TBC1D31: variants seen among roughly 807,000 people sequenced by gnomAD.
The protein encoded by TBC1D31 is WD repeat domain 67.
Under a neutral mutation model 132.9 loss-of-function variants are expected in TBC1D31, and 99 were observed. The ratio of observed to expected loss-of-function variants is 0.74; its 90% confidence interval spans 0.63 to 0.88. The LOEUF is 0.88. Among genes scored for constraint, TBC1D31 ranks in the 40% least tolerant of loss-of-function variants. The pLI is 0.00. For synonymous variants in TBC1D31, 385 were observed against 419.4 expected (o/e 0.92, Z 1.00); for missense variants, 1,134 against 1,256.6 (o/e 0.90, Z 1.48).
chr8:123,116,749 C>G (rs752445869), intron 10 of TBC1D31, among the ~76,000 whole-genome samples: 1 of 152,088 alleles, frequency 6.6e-6, no homozygotes, highest in Non-Finnish European at 1.5e-5. Context: ...CACAAGGGCA[C>G]GTGACTCAAC....
At chr8:123,145,068 CG>C (rs1485308421) in intron 20 of TBC1D31, among the ~76,000 whole-genome samples, 1 of 151,952 alleles carries the variant, frequency 6.6e-6, no homozygotes, top group East Asian at 1.9e-4. Context: ...GGACCATAGG[CG>C]TGTATCCCCA....
chr8:123,107,726 A>T (rs1193398361), intron 8 of TBC1D31, among the ~76,000 whole-genome samples: 4 of 152,070 alleles, frequency 2.6e-5, no homozygotes, highest in Non-Finnish European at 5.9e-5. Context: ...TCCAATGTGG[A>T]TATCCTACAG....
chr8:123,108,434 C>T (rs1818145173), intron 8 of TBC1D31, among the ~76,000 whole-genome samples: 1 of 151,978 alleles, frequency 6.6e-6, no homozygotes, highest in South Asian at 2.1e-4. Context: ...GATGAACTCC[C>T]ACATGTTTTT....
intron 3 of TBC1D31, 36 bp from the exon 4 acceptor site, chr8:123,084,126 G>A (rs1023850747): frequency 1.1e-5 from 18 of 1,588,630 alleles, no homozygotes; most frequent in Non-Finnish European, 1.5e-5. Flanking sequence ...GACGTACAGT[G>A]TTTTACCTGG....
At position 123,094,309 on chromosome 8, in the gene TBC1D31, G is replaced by T. The variant is rs112955649; in HGVS notation, c.671+567G>T. Among the ~76,000 whole-genome samples the T allele has an allele frequency of 3.1e-3, 475 of 151,944 alleles. 2 individuals carry two copies. Among genetic ancestry groups the T allele is most frequent in the African/African-American group, 9.7e-3 (402 of 41,466 alleles). On this transcript the variant is annotated intron_variant, in intron 5 of 21. Coordinates refer to ENST00000287380, the MANE Select transcript of TBC1D31 (RefSeq NM_145647.4). Reference sequence around the variant, plus strand: ...GAACTCCTGACCTTGTGATCCGCCCGCCTCGGCCTCCCAGAGTGCTGGGAT... The same window carrying T: ...GAACTCCTGACCTTGTGATCCGCCCTCCTCGGCCTCCCAGAGTGCTGGGAT...
At chr8:123,149,952 G>A in intron 20 of TBC1D31, 84 bp from the exon 21 acceptor site, 1 of 922,442 alleles carries the variant, frequency 1.1e-6, no homozygotes, top group Non-Finnish European at 1.7e-6. Flanking sequence ...CTTGGTGATT[G>A]TAACTTACTA....
Position 123,072,803 on chromosome 8 carries a change from G to T in TBC1D31, c.34G>T (p.Gly12Cys), listed in dbSNP as rs150445562. 1.7e-4 allele frequency: 272 copies of T among 1,574,102 alleles called. 1 individual carries two copies. In the African/African-American group the frequency reaches 3.3e-3, roughly 19 times the overall value. The stretch of plus-strand genomic sequence containing the variant: ...CACTGACCTAGGCAACAAGGAGAGC[G>T]GCAAGATATGGCACCGCAAGCCGTC... The part of the protein sequence containing the change: ...QSTDLGNKES[G>C]KIWHRKPSPA... The change falls in exon 1 of 22, where the codon GGC becomes TGC. Residue 12 changes from glycine to cysteine, a missense_variant. Transcript: ENST00000287380.
At chr8:123,114,770 G>A (rs1022006153) in intron 10 of TBC1D31, among the ~76,000 whole-genome samples, 9 of 152,136 alleles carry the variant, frequency 5.9e-5, no homozygotes, top group Non-Finnish European at 2.9e-5. Flanking sequence ...CTTGCTAGAG[G>A]TAATTGTTTG....
rs933998547 is a variant in TBC1D31 at position 123,130,406 on chromosome 8, A to C, written c.2406+73A>C. On this transcript the variant is annotated intron_variant, in intron 16 of 21. Coordinates refer to ENST00000287380, the MANE Select transcript of TBC1D31 (RefSeq NM_145647.4). ...CACTTAAATGTAATGAACACCTTCA[A>C]ATTAAATAATATTCTTAGAGTCCAC... is the stretch of plus-strand genomic sequence containing the variant. 2.2e-6 allele frequency: 3 copies of C among 1,369,650 alleles called. No individual in the cohort carries two copies. In the African/African-American group the frequency reaches 4.4e-5, roughly 20 times the overall value. The allele number at this position is 1,369,650 out of a possible 1,614,324, so 84.8% of individuals were successfully genotyped here.
chr8:123,079,040 C>A (rs1448530654), intron 2 of TBC1D31, among the ~76,000 whole-genome samples: 1 of 152,080 alleles, frequency 6.6e-6, no homozygotes, highest in Non-Finnish European at 1.5e-5. Flanking sequence ...AGATATATAA[C>A]CTGAATCTAA....
At chr8:123,092,806 TAA>T (rs1816461623) in intron 4 of TBC1D31, among the ~76,000 whole-genome samples, 2 of 141,100 alleles carry the variant, frequency 1.4e-5, no homozygotes, top group African/African-American at 5.4e-5. Context: ...CACACCCGGC[TAA>T]TTTTTTTTTT....
At chr8:123,089,390 C>T (rs999493506) in intron 4 of TBC1D31, among the ~76,000 whole-genome samples, 1 of 152,094 alleles carries the variant, frequency 6.6e-6, no homozygotes, top group Non-Finnish European at 1.5e-5. Context: ...ACCATCAAGC[C>T]TATGATAGGA....
intron 17 of TBC1D31, among the ~76,000 whole-genome samples, chr8:123,139,202 G>T (rs1466410473): frequency 6.6e-6 from 1 of 151,708 alleles, no homozygotes; most frequent in Non-Finnish European, 1.5e-5. Flanking sequence ...TTATGATGGG[G>T]TTATGTCCTG....
intron 5 of TBC1D31, among the ~76,000 whole-genome samples, chr8:123,096,498 C>G (rs747306880): frequency 9.9e-5 from 15 of 152,194 alleles, no homozygotes; most frequent in Non-Finnish European, 1.6e-4. Flanking sequence ...GATCTTCCTC[C>G]TTTCCCAGCT....
chr8:123,139,794 A>G (rs1821451953), intron 17 of TBC1D31, among the ~76,000 whole-genome samples: 2 of 152,034 alleles, frequency 1.3e-5, no homozygotes, highest in Admixed American at 1.3e-4. Flanking sequence ...TACTTAGCCT[A>G]TTGGTTGCTC....
chr8:123,120,637 A>T (rs944926413), intron 11 of TBC1D31, among the ~76,000 whole-genome samples: 1 of 152,164 alleles, frequency 6.6e-6, no homozygotes, highest in Admixed American at 6.5e-5. Context: ...GCTCTACAGC[A>T]CTCCAGCCTG....
At chr8:123,164,494 G>A in the TBC1D31 span, among the ~76,000 whole-genome samples, 1 of 152,190 alleles carries the variant, frequency 6.6e-6, no homozygotes, top group Non-Finnish European at 1.5e-5. Context: ...GGCTGAGGTT[G>A]GCAGATAGTT....
chr8:123,109,502 C>G lies in TBC1D31; in HGVS notation c.1318C>G (p.Leu440Val), dbSNP rs200320478. 6.2e-7 allele frequency: 1 copy of G among 1,613,768 alleles called. No individual in the cohort carries two copies. Among genetic ancestry groups the G allele is most frequent in the African/African-American group, 1.3e-5 (1 of 74,904 alleles). The change falls in exon 10 of 22, where the codon CTG becomes GTG. Residue 440 changes from leucine (L) to valine (V), a missense_variant. Physicochemically the swap from Leu to Val is conservative, Grantham distance 32. Transcript: ENST00000287380. ...RMFIWRSLLQ[L>V]PENHTAFSTL... ...GTTCATTTGGCGCTCTCTGCTACAA[C>G]TGCCTGAAAATCATACTGCGTTTAG...
chr8:123,157,291 C>T, the TBC1D31 span, among the ~76,000 whole-genome samples: 2 of 152,188 alleles, frequency 1.3e-5, no homozygotes, highest in African/African-American at 4.8e-5. Context: ...CTACCTACTG[C>T]GCTAACGAGG....
Sources: gnomAD v4.1 joint callset for allele counts (sites outside exome capture counted in the v4.1 genomes callset) on GRCh38, gnomAD v4.1.1 for gene constraint, MANE v1.5 for transcripts, NCBI Gene and HGNC (gene_info 2026-07-23, HGNC 2026-07-21) for gene names.